Variants in DHX32 observed in about 807,000 individuals in gnomAD.
The protein encoded by DHX32 is DEAH-box helicase 32 (putative).
A neutral mutation model predicts 70.0 loss-of-function variants in DHX32; 51 were observed. The observed-to-expected ratio is 0.73, with a 90% CI of 0.58 to 0.92. The LOEUF (loss-of-function observed/expected upper bound fraction) is 0.92, where lower values mean the gene tolerates loss of function less well. Ranked by LOEUF, DHX32 falls within the 40% of genes least tolerant of loss-of-function variation. DHX32 has a pLI of 0.00. For synonymous variants in DHX32, 310 were observed against 315.3 expected, an observed-to-expected ratio of 0.98 and a Z score of 0.18; for missense variants, 762 against 891.8, an observed-to-expected ratio of 0.85 and a Z score of 1.85.
At chr10:125,846,262 A>G (rs887934849) in intron 6 of DHX32, among the ~76,000 whole-genome samples, 2 of 152,130 alleles carry the variant, frequency 1.3e-5, no homozygotes, top group African/African-American at 4.8e-5. Flanking sequence ...CCCTCATACC[A>G]TTATAGAGAA....
At chr10:125,856,291 A>G (rs1221710164) in intron 3 of DHX32, among the ~76,000 whole-genome samples, 1 of 152,258 alleles carries the variant, frequency 6.6e-6, no homozygotes, top group African/African-American at 2.4e-5. Context: ...CCACAACTGC[A>G]TAAAACATTT....
At chr10:125,857,077 A>G (rs1344130749) in intron 3 of DHX32, among the ~76,000 whole-genome samples, 5 of 152,270 alleles carry the variant, frequency 3.3e-5, no homozygotes, top group African/African-American at 7.2e-5. Context: ...AAATCAAGAA[A>G]GCATCAAATA....
intron 1 of DHX32, among the ~76,000 whole-genome samples, chr10:125,886,978 C>T (rs575333026): frequency 1.3e-4 from 20 of 152,396 alleles, no homozygotes; most frequent in Admixed American, 9.1e-4. Context: ...GTTATTGGAG[C>T]TACACCTTCT....
chr10:125,867,783 TTTC>T (rs1944232286), intron 1 of DHX32, among the ~76,000 whole-genome samples: 1 of 151,846 alleles, frequency 6.6e-6, no homozygotes, highest in African/African-American at 2.4e-5. Context: ...AAAAAAATAC[TTTC>T]AACCTCAACT....
rs1044545927 is a variant in DHX32 at position 125,859,501 on chromosome 10, A to G, written c.849+102T>C. 80 of 1,318,630 alleles carry G rather than the reference A, an allele frequency of 6.1e-5. No homozygotes were observed. In the Middle Eastern group the frequency reaches 1.6e-3, roughly 26 times the overall value. 81.7% of individuals were successfully genotyped at this position (1,318,630 alleles called of 1,614,324 possible). On this transcript the variant is annotated intron_variant, in intron 3 of 10. Transcript: ENST00000284690. Reference sequence around the variant, plus strand: ...TTAATGAGGTGTGATGAAACCAAATATTTAAACAGTTAATTAGCAAACTGA... The same window carrying G: ...TTAATGAGGTGTGATGAAACCAAATGTTTAAACAGTTAATTAGCAAACTGA...
chr10:125,854,027 AG>A lies in DHX32; in HGVS notation c.1025del (p.Ser342LeufsTer5). The stretch of plus-strand genomic sequence containing the variant: ...AGTTGCTCCAGATCAAAAACTCTCC[AG>A]AGCTAGTAGTTAACACCACTCTTCT... ...YQRRVVLTTSSGEFLIWSNSV... is the reference protein window; with the variant it reads ...YQRRVVLTTSXGEFLIWSNSV... On this transcript the variant is annotated frameshift_variant, in exon 4 of 11. Transcript: ENST00000284690. LOFTEE classifies it high-confidence loss of function. 1.9e-6 allele frequency: 3 copies of A among 1,614,110 alleles called. No homozygotes were observed. The highest frequency in any genetic ancestry group is 2.5e-6 in the Non-Finnish European group (3 of 1,180,008).
chr10:125,848,599 C>T (rs765036571), intron 6 of DHX32, among the ~76,000 whole-genome samples: 26 of 152,200 alleles, frequency 1.7e-4, no homozygotes, highest in Non-Finnish European at 3.8e-4. Context: ...AGTGCTGTTG[C>T]TGTTATCTGC....
At chr10:125,877,296 A>G (rs1218118372) in intron 1 of DHX32, among the ~76,000 whole-genome samples, 5 of 152,212 alleles carry the variant, frequency 3.3e-5, no homozygotes, top group Non-Finnish European at 7.3e-5. Flanking sequence ...CAGCGTAACA[A>G]AGAACAAATC....
chr10:125,847,710 T>C (rs554024315), intron 6 of DHX32, among the ~76,000 whole-genome samples: 1 of 152,300 alleles, frequency 6.6e-6, no homozygotes, highest in South Asian at 2.1e-4. Flanking sequence ...CTCATCATAG[T>C]GTAGAATCAG....
intron 1 of DHX32, among the ~76,000 whole-genome samples, chr10:125,889,909 A>T (rs1944359878): frequency 6.6e-6 from 1 of 152,304 alleles, no homozygotes. Flanking sequence ...AAACCTTCAG[A>T]GGTTTAATTT....
intron 3 of DHX32, 63 bp from the exon 4 acceptor site, chr10:125,854,266 G>C: frequency 6.8e-7 from 1 of 1,477,594 alleles, no homozygotes; most frequent in Non-Finnish European, 8.9e-7. Context: ...TTAAAAAAAT[G>C]TCTGAATTAC....
chr10:125,872,138 AG>A (rs1296918885), intron 1 of DHX32, among the ~76,000 whole-genome samples: 1 of 152,140 alleles, frequency 6.6e-6, no homozygotes, highest in Non-Finnish European at 1.5e-5. Flanking sequence ...CTGGGATTAC[AG>A]GTGTGAGCCA....
chr10:125,869,171 C>A (rs912345220), intron 1 of DHX32: 2 of 152,156 alleles, frequency 1.3e-5, no homozygotes, highest in Admixed American at 6.5e-5. Flanking sequence ...TTGCCAAATT[C>A]TTACTTTTAA....
chr10:125,862,456 CTAAT>C (rs1944196291), intron 2 of DHX32, among the ~76,000 whole-genome samples: 2 of 150,422 alleles, frequency 1.3e-5, no homozygotes, highest in African/African-American at 2.4e-5. Flanking sequence ...TTTGCTGAGG[CTAAT>C]TAGAGATTTA....
chr10:125,859,373 G>A (rs892956378), intron 3 of DHX32, among the ~76,000 whole-genome samples: 1 of 152,180 alleles, frequency 6.6e-6, no homozygotes, highest in Non-Finnish European at 1.5e-5. Flanking sequence ...GAGGGAAGTT[G>A]GCTCTGGAGA....
At chr10:125,865,664 G>A (rs1163423744) in intron 2 of DHX32, among the ~76,000 whole-genome samples, 1 of 152,078 alleles carries the variant, frequency 6.6e-6, no homozygotes, top group Non-Finnish European at 1.5e-5. Flanking sequence ...TGAGTAGCTG[G>A]GACTATAGGC....
At chr10:125,842,098 T>C (rs1854897951) in intron 6 of DHX32, 164 bp from the exon 7 acceptor site, 2 of 935,758 alleles carry the variant, frequency 2.1e-6, no homozygotes, top group South Asian at 4.3e-5. Context: ...ATAGTGATTC[T>C]TGAGAGGGCA....
In DHX32 at chr10:125,836,480, CAAG is replaced by C. The variant is rs1186940329; in HGVS notation, c.*204_*206del. ...TGAGTGGTTGATTTAAAAACTTTTC[CAAG>C]AAGAAGAAAAGCATGGAGTAGTAAT... On this transcript the variant is annotated 3_prime_UTR_variant, in exon 11 of 11. Coordinates refer to ENST00000284690, the MANE Select transcript of DHX32 (RefSeq NM_018180.3). 1.1e-5 allele frequency: 15 copies of C among 1,385,670 alleles called. No homozygotes were observed. The highest frequency in any genetic ancestry group is 1.7e-5 in the South Asian group (1 of 57,604). The allele number at this position is 1,385,670 out of a possible 1,614,324, so 85.8% of individuals were successfully genotyped here. A position where few individuals can be genotyped will look rare whatever the true frequency, so the allele number is the denominator to read the frequency against.
At chr10:125,838,124 G>T in intron 10 of DHX32, 82 bp downstream of exon 10, 1 of 1,377,018 alleles carries the variant, frequency 7.3e-7, no homozygotes. Context: ...TTAGAACTAA[G>T]AATAAAAGCC....
Sources: gnomAD v4.1 joint callset for allele counts (sites outside exome capture counted in the v4.1 genomes callset) on GRCh38, gnomAD v4.1.1 for gene constraint, MANE v1.5 for transcripts, NCBI Gene and HGNC (gene_info 2026-07-23, HGNC 2026-07-21) for gene names.